Variants in FHIT observed in about 807,000 individuals in gnomAD.
FHIT encodes the protein bis(5'-adenosyl)-triphosphatase.
In FHIT, 19 loss-of-function variants were observed where a neutral mutation model predicts 17.9. That is an observed-to-expected ratio of 1.06 (90% CI 0.74 to 1.56). The LOEUF is 1.56. FHIT is among the 40% of genes most tolerant of loss of function. The probability of loss-of-function intolerance (pLI) is 0.00; values close to 1 mark genes in which losing one functional copy is unlikely to be tolerated. For missense variants in FHIT, 248 were observed against 189.2 expected (o/e 1.31, Z -1.82); for synonymous variants, 81 against 69.7 (o/e 1.16, Z -0.81).
chr3:60,935,850 C>T (rs1159618570), intron 3 of FHIT, among the ~76,000 whole-genome samples: 1 of 152,190 alleles, frequency 6.6e-6, no homozygotes, highest in Non-Finnish European at 1.5e-5. Context: ...TCCTTCTCTT[C>T]GCACATGGAC....
intron 7 of FHIT, among the ~76,000 whole-genome samples, chr3:59,941,694 G>A (rs558443410): frequency 3.3e-5 from 5 of 152,292 alleles, no homozygotes; most frequent in African/African-American, 1.2e-4. Context: ...AAGATGTCAT[G>A]AGGCCCACGA....
At chr3:60,578,969 G>T (rs1205308681) in intron 4 of FHIT, among the ~76,000 whole-genome samples, 1 of 152,096 alleles carries the variant, frequency 6.6e-6, no homozygotes, top group Admixed American at 6.6e-5. Flanking sequence ...AAGAAAAAGG[G>T]AATTTTACAA....
Position 60,608,597 on chromosome 3 carries a change from G to GA in FHIT, c.-17-71619dup, listed in dbSNP as rs575303096. Among the ~76,000 whole-genome samples, 453 of 151,636 alleles carry GA rather than the reference G, an allele frequency of 3.0e-3. 1 individual carries two copies. The highest frequency in any genetic ancestry group is 3.7e-3 in the Non-Finnish European group (250 of 67,884). On this transcript the variant is annotated intron_variant, in intron 4 of 9. Coordinates refer to ENST00000492590, the MANE Select transcript of FHIT (RefSeq NM_002012.4). ...CCTCCTTTATTTTTTTTCCCACCAG[G>GA]AAAAAAAGGAGTTGGGTCAAACAGG...
chr3:61,239,232 A>G (rs147291020), intron 1 of FHIT, among the ~76,000 whole-genome samples: 2 of 152,226 alleles, frequency 1.3e-5, no homozygotes, highest in East Asian at 1.9e-4. Flanking sequence ...TGGGAAAAAA[A>G]TCCAAATTCC....
At chr3:61,131,472 G>C (rs145717441) in intron 2 of FHIT, among the ~76,000 whole-genome samples, 1 of 152,338 alleles carries the variant, frequency 6.6e-6, no homozygotes, top group East Asian at 1.9e-4. Flanking sequence ...TGTCTGGGCC[G>C]AAAGTCTCCC....
intron 5 of FHIT, among the ~76,000 whole-genome samples, chr3:60,404,318 A>T (rs531091352): frequency 2.5e-4 from 29 of 115,160 alleles, no homozygotes; most frequent in African/African-American, 7.5e-4. Context: ...GAGGCTATTT[A>T]TTACCTAGAA....
intron 5 of FHIT, among the ~76,000 whole-genome samples, chr3:60,492,497 T>A (rs2034108393): frequency 6.6e-6 from 1 of 151,650 alleles, no homozygotes; most frequent in Admixed American, 6.6e-5. Context: ...TATTAAAGAA[T>A]GAAAGATGGC....
intron 3 of FHIT, among the ~76,000 whole-genome samples, chr3:60,996,860 TA>T (rs1160230129): frequency 5.3e-5 from 8 of 152,220 alleles, no homozygotes; most frequent in African/African-American, 1.7e-4. Flanking sequence ...GAAAACTTAA[TA>T]AAAATATGTT....
intron 5 of FHIT, among the ~76,000 whole-genome samples, chr3:60,063,096 T>C (rs1018107466): frequency 6.6e-6 from 1 of 152,066 alleles, no homozygotes; most frequent in Non-Finnish European, 1.5e-5. Flanking sequence ...TCCTGTTAAG[T>C]AGGGCAAAAC....
At chr3:60,032,485 T>G (rs1380150421) in intron 5 of FHIT, among the ~76,000 whole-genome samples, 1 of 151,674 alleles carries the variant, frequency 6.6e-6, no homozygotes, top group Admixed American at 6.6e-5. Context: ...ATAAAAACAT[T>G]ATTGGGGGAA....
chr3:60,680,632 A>T (rs2040725239), intron 4 of FHIT, among the ~76,000 whole-genome samples: 1 of 151,414 alleles, frequency 6.6e-6, no homozygotes, highest in Non-Finnish European at 1.5e-5. Flanking sequence ...AAAACTTTCA[A>T]TAAAAGGAAA....
At chr3:60,893,646 A>C (rs558543801) in intron 3 of FHIT, among the ~76,000 whole-genome samples, 1 of 152,180 alleles carries the variant, frequency 6.6e-6, no homozygotes, top group African/African-American at 2.4e-5. Flanking sequence ...GACAGCTAGA[A>C]TAACTTCTGC....
intron 8 of FHIT, among the ~76,000 whole-genome samples, chr3:59,887,362 G>A (rs1375779924): frequency 6.6e-6 from 1 of 152,166 alleles, no homozygotes; most frequent in African/African-American, 2.4e-5. Flanking sequence ...CATTTGTGGT[G>A]AGGACTAGAA....
chr3:60,960,817 T>G (rs1709391178), intron 3 of FHIT, among the ~76,000 whole-genome samples: 1 of 152,256 alleles, frequency 6.6e-6, no homozygotes, highest in South Asian at 2.1e-4. Context: ...CACATTTTCT[T>G]AATCCAGTCT....
chr3:61,073,118 C>G (rs1442123906), intron 2 of FHIT, among the ~76,000 whole-genome samples: 1 of 152,184 alleles, frequency 6.6e-6, no homozygotes, highest in African/African-American at 2.4e-5. Context: ...ACAACAAAGA[C>G]CTCTTCCAAT....
At chr3:60,964,044 C>T (rs925493886) in intron 3 of FHIT, among the ~76,000 whole-genome samples, 1 of 152,106 alleles carries the variant, frequency 6.6e-6, no homozygotes, top group East Asian at 1.9e-4. Flanking sequence ...TAAAGTCTCC[C>T]ATTATTATCG....
chr3:60,645,198 A>C (rs1186420815), intron 4 of FHIT, among the ~76,000 whole-genome samples: 1 of 152,050 alleles, frequency 6.6e-6, no homozygotes, highest in Non-Finnish European at 1.5e-5. Flanking sequence ...TCTCCTTTGC[A>C]CAGTCCAGAA....
chr3:60,375,380 G>A (rs1297731768), intron 5 of FHIT, among the ~76,000 whole-genome samples: 1 of 148,322 alleles, frequency 6.7e-6, no homozygotes, highest in Non-Finnish European at 1.5e-5. Flanking sequence ...ACTACCCTGG[G>A]CAACAAGGAA....
At chr3:59,917,959 C>A (rs1705213161) in intron 8 of FHIT, among the ~76,000 whole-genome samples, 1 of 152,324 alleles carries the variant, frequency 6.6e-6, no homozygotes, top group South Asian at 2.1e-4. Context: ...AGCAATCAGA[C>A]AAGGTTTATA....
Sources: allele counts gnomAD v4.1 joint callset (sites outside exome capture counted in the v4.1 genomes callset), GRCh38; gene constraint gnomAD v4.1.1; transcripts MANE v1.5; gene names NCBI Gene and HGNC (gene_info 2026-07-23, HGNC 2026-07-21).